Variants in UTRN observed in about 807,000 individuals in gnomAD.
UTRN encodes the protein utrophin.
UTRN carries 283 observed loss-of-function variants against 463.9 expected under a neutral mutation model. The ratio of observed to expected loss-of-function variants is 0.61; its 90% CI spans 0.55 to 0.67. UTRN has a LOEUF of 0.67. Ranked by LOEUF, UTRN falls within the 30% of genes least tolerant of loss-of-function variation. UTRN has a pLI of 0.00. For missense variants in UTRN, 3,922 were observed against 4,084.3 expected (o/e 0.96, Z 1.08); for synonymous variants, 1,442 against 1,431.5 (o/e 1.01, Z -0.17).
intron 69 of UTRN, among the ~76,000 whole-genome samples, chr6:144,830,805 A>T (rs1205677982): frequency 6.6e-6 from 1 of 151,628 alleles, no homozygotes; most frequent in Admixed American, 6.6e-5. Flanking sequence ...GAAAATTCTT[A>T]TTCTTTCAAT....
chr6:144,699,468 CAGT>C, intron 52 of UTRN, among the ~76,000 whole-genome samples: 1 of 95,660 alleles, frequency 1.0e-5, no homozygotes, highest in African/African-American at 4.0e-5. Context: ...AATAATTAGT[CAGT>C]GGTTTTTTTT....
chr6:144,329,141 G>C (rs2114601915), intron 2 of UTRN, among the ~76,000 whole-genome samples: 1 of 150,640 alleles, frequency 6.6e-6, no homozygotes, highest in South Asian at 2.1e-4. Context: ...GGAGTGTAGG[G>C]GGGCGATCTC....
chr6:144,325,221 A>G (rs1204638914), intron 2 of UTRN, among the ~76,000 whole-genome samples: 1 of 152,180 alleles, frequency 6.6e-6, no homozygotes, highest in African/African-American at 2.4e-5. Context: ...TCCCCAGTGC[A>G]ACAGTGTTTG....
chr6:144,543,487 C>T (rs1798155335), intron 46 of UTRN, among the ~76,000 whole-genome samples: 1 of 152,340 alleles, frequency 6.6e-6, no homozygotes, highest in Non-Finnish European at 1.5e-5. Flanking sequence ...CCATCATGCC[C>T]TGCTCTTCCT....
intron 58 of UTRN, among the ~76,000 whole-genome samples, chr6:144,769,588 T>C (rs1793775036): frequency 6.6e-6 from 1 of 152,216 alleles, no homozygotes; most frequent in Non-Finnish European, 1.5e-5. Flanking sequence ...ATTTTCCTCT[T>C]GTGATTCCGT....
chr6:144,497,389 T>C (rs1290666420), intron 33 of UTRN, among the ~76,000 whole-genome samples: 1 of 151,708 alleles, frequency 6.6e-6, no homozygotes, highest in Non-Finnish European at 1.5e-5. Context: ...TAAGAAAAGA[T>C]AGAGGACCGG....
At chr6:144,498,517 C>G (rs1052116192) in intron 33 of UTRN, among the ~76,000 whole-genome samples, 3 of 152,178 alleles carry the variant, frequency 2.0e-5, no homozygotes, top group Non-Finnish European at 2.9e-5. Context: ...ATTTTCCCCT[C>G]AAGTTACTAT....
intron 46 of UTRN, 100 bp from the exon 47 acceptor site, chr6:144,548,540 C>T (rs983437817): frequency 5.1e-6 from 6 of 1,177,164 alleles, no homozygotes; most frequent in Non-Finnish European, 7.0e-6. Context: ...TTTACTTAAA[C>T]TAAATTTTAT....
chr6:144,449,198 A>G lies in UTRN; in HGVS notation c.2072+429A>G, dbSNP rs1052672027. 1.3e-4 allele frequency among the ~76,000 whole-genome samples: 20 copies of G among 152,164 alleles called. 1 individual carries two copies. The highest frequency in any genetic ancestry group is 4.8e-4 in the African/African-American group (20 of 41,436). On this transcript the variant is annotated intron_variant, in intron 17 of 74. Coordinates refer to ENST00000367545, the MANE Select transcript of UTRN (RefSeq NM_007124.3). ...GGGATCCTTAACCATTCCTATTAAC[A>G]TGGTTTCCAGACCCTTTTATATCTT...
chr6:144,348,504 C>A (rs1053496907), intron 2 of UTRN, among the ~76,000 whole-genome samples: 2 of 151,972 alleles, frequency 1.3e-5, no homozygotes, highest in African/African-American at 4.8e-5. Context: ...TCTTAGGACT[C>A]GTGAATTTTT....
intron 51 of UTRN, among the ~76,000 whole-genome samples, chr6:144,590,853 C>T (rs1435813522): frequency 7.9e-6 from 1 of 127,266 alleles, no homozygotes; most frequent in Non-Finnish European, 1.6e-5. Context: ...TACACACACA[C>T]ACACACACAC....
intron 51 of UTRN, among the ~76,000 whole-genome samples, chr6:144,670,215 A>G (rs1780861653): frequency 6.6e-6 from 1 of 152,132 alleles, no homozygotes; most frequent in Non-Finnish European, 1.5e-5. Flanking sequence ...ACTGTTTTTC[A>G]TAGTGGTTGT....
At chr6:144,836,680 G>T in intron 71 of UTRN, 139 bp downstream of exon 71, 1 of 1,339,802 alleles carries the variant, frequency 7.5e-7, no homozygotes, top group South Asian at 1.5e-5. Context: ...GACTGGCTTA[G>T]AAATTTCCTT....
chr6:144,592,880 G>C (rs749939845), intron 51 of UTRN, among the ~76,000 whole-genome samples: 2 of 152,182 alleles, frequency 1.3e-5, no homozygotes, highest in Non-Finnish European at 2.9e-5. Context: ...TGATTTACCT[G>C]TGTGGGATCA....
chr6:144,723,756 C>T (rs999301910), intron 53 of UTRN, among the ~76,000 whole-genome samples: 1 of 152,030 alleles, frequency 6.6e-6, no homozygotes, highest in Non-Finnish European at 1.5e-5. Flanking sequence ...AATCCCAGCA[C>T]TTTGGGAGGC....
chr6:144,487,000 C>T (rs1005633239), intron 28 of UTRN, among the ~76,000 whole-genome samples: 8 of 152,122 alleles, frequency 5.3e-5, no homozygotes, highest in Non-Finnish European at 8.8e-5. Context: ...GTATATAAAA[C>T]AATGCCTCTT....
At chr6:144,342,824 A>C (rs982644163) in intron 2 of UTRN, among the ~76,000 whole-genome samples, 5 of 152,230 alleles carry the variant, frequency 3.3e-5, no homozygotes, top group Non-Finnish European at 7.3e-5. Context: ...TGAATTATAT[A>C]TCAATAAAGT....
intron 2 of UTRN, among the ~76,000 whole-genome samples, chr6:144,360,528 A>G (rs1778988290): frequency 6.6e-6 from 1 of 152,206 alleles, no homozygotes; most frequent in South Asian, 2.1e-4. Context: ...AGAGGCTGCT[A>G]TTGACCCCAC....
intron 60 of UTRN, among the ~76,000 whole-genome samples, chr6:144,780,885 T>G (rs1180313253): frequency 6.6e-6 from 1 of 152,238 alleles, no homozygotes. Flanking sequence ...AATTCTTTCC[T>G]CACTTCATGT....
Sources: allele counts gnomAD v4.1 joint callset (sites outside exome capture counted in the v4.1 genomes callset), GRCh38; gene constraint gnomAD v4.1.1; transcripts MANE v1.5; gene names NCBI Gene and HGNC (gene_info 2026-07-23, HGNC 2026-07-21).